The following RBFOX1 variants were observed in gnomAD, a reference collection of about 807,000 sequenced individuals.
RBFOX1 encodes RNA binding fox-1 homolog 1.
A neutral mutation model predicts 57.7 loss-of-function variants in RBFOX1; 8 were observed. The observed-to-expected ratio is 0.14, with a 90% CI of 0.08 to 0.25. The LOEUF (loss-of-function observed/expected upper bound fraction) is 0.25, where lower values mean the gene tolerates loss of function less well. Ranked by LOEUF, RBFOX1 falls within the 10% of genes least tolerant of loss-of-function variation. The probability of loss-of-function intolerance (pLI) is 1.00; values close to 1 mark genes in which losing one functional copy is unlikely to be tolerated. For missense variants in RBFOX1, 611 were observed against 548.5 expected (o/e 1.11, Z -1.14); for synonymous variants, 326 against 222.4 (o/e 1.47, Z -4.15).
chr16:5,811,601 C>T (rs1308116259), intron 3 of RBFOX1, among the ~76,000 whole-genome samples: 1 of 152,044 alleles, frequency 6.6e-6, no homozygotes, highest in Non-Finnish European at 1.5e-5. Context: ...CAGGCATGCA[C>T]CACCACATTG....
chr16:7,575,399 C>G (rs2093234340), intron 5 of RBFOX1, among the ~76,000 whole-genome samples: 1 of 152,234 alleles, frequency 6.6e-6, no homozygotes, highest in East Asian at 1.9e-4. Flanking sequence ...TCCCAAAGTG[C>G]TGGGATTATA....
chr16:6,462,943 A>G (rs1037535782), intron 2 of RBFOX1, among the ~76,000 whole-genome samples: 1 of 152,156 alleles, frequency 6.6e-6, no homozygotes, highest in Non-Finnish European at 1.5e-5. Flanking sequence ...TAATCTATTA[A>G]TTCTTCGTAT....
chr16:7,212,704 A>G (rs1031374520), intron 4 of RBFOX1, among the ~76,000 whole-genome samples: 2 of 152,228 alleles, frequency 1.3e-5, no homozygotes, highest in African/African-American at 4.8e-5. Context: ...CTACATGAGG[A>G]CAAATACCTA....
intron 4 of RBFOX1, among the ~76,000 whole-genome samples, chr16:7,487,290 A>G (rs1162938093): frequency 6.6e-6 from 1 of 152,050 alleles, no homozygotes; most frequent in Non-Finnish European, 1.5e-5. Flanking sequence ...CAACTACTTT[A>G]TCTCAAATAG....
chr16:6,019,240 C>T lies in RBFOX1; in HGVS notation c.-879C>T, dbSNP rs745479180. ...CTTGCTGGCCGTCTGGGTGCACACA[C>T]CGCTCCCTCGATCACCCCAGCCCCC... is the stretch of plus-strand genomic sequence containing the variant. On this transcript the variant is annotated 5_prime_UTR_variant, in exon 1 of 16. Coordinates refer to ENST00000550418, the MANE Select transcript of RBFOX1 (RefSeq NM_018723.4). The surrounding 1 kb of genome is among the most constrained non-coding windows in gnomAD (Gnocchi z 4.2). 1.0e-6 allele frequency: 1 copy of T among 985,200 alleles called. No individual in the cohort carries two copies. Among genetic ancestry groups the T allele is most frequent in the Non-Finnish European group, 1.2e-6 (1 of 829,996 alleles). 61.0% of individuals were successfully genotyped at this position (985,200 alleles called of 1,614,324 possible).
At chr16:5,700,746 T>C (rs1205221603) in intron 3 of RBFOX1, among the ~76,000 whole-genome samples, 1 of 152,230 alleles carries the variant, frequency 6.6e-6, no homozygotes, top group African/African-American at 2.4e-5. Context: ...GTTTATTACT[T>C]ACCCTTCTTT....
chr16:5,744,364 G>T (rs1180537552), intron 3 of RBFOX1, among the ~76,000 whole-genome samples: 1 of 152,118 alleles, frequency 6.6e-6, no homozygotes, highest in African/African-American at 2.4e-5. Flanking sequence ...TTCCATAGCT[G>T]CTCATGGAAT....
chr16:6,972,692 G>C (rs1328219688), intron 3 of RBFOX1, among the ~76,000 whole-genome samples: 2 of 152,140 alleles, frequency 1.3e-5, no homozygotes, highest in Non-Finnish European at 1.5e-5. Context: ...GGCTGGCCTT[G>C]ATAGAGATGG....
chr16:6,722,358 A>G (rs2066179800), intron 3 of RBFOX1, among the ~76,000 whole-genome samples: 1 of 152,158 alleles, frequency 6.6e-6, no homozygotes, highest in Non-Finnish European at 1.5e-5. Context: ...TAGCCTTTCT[A>G]ACAGGTGTGA....
intron 2 of RBFOX1, among the ~76,000 whole-genome samples, chr16:5,468,796 T>C (rs1335077729): frequency 1.3e-5 from 2 of 152,240 alleles, no homozygotes; most frequent in African/African-American, 4.8e-5. Flanking sequence ...CTGGATCCTC[T>C]CTGTGCTGAC....
At chr16:6,662,786 A>T (rs1234552455) in intron 3 of RBFOX1, among the ~76,000 whole-genome samples, 3 of 148,650 alleles carry the variant, frequency 2.0e-5, no homozygotes, top group African/African-American at 7.5e-5. Context: ...CTTTTGCATT[A>T]GAGTTACTTT....
At chr16:6,542,700 G>A (rs2096839998) in intron 2 of RBFOX1, among the ~76,000 whole-genome samples, 1 of 151,680 alleles carries the variant, frequency 6.6e-6, no homozygotes, top group African/African-American at 2.4e-5. Context: ...CACTGTGTTA[G>A]CCAGGATGGT....
intron 3 of RBFOX1, among the ~76,000 whole-genome samples, chr16:6,953,311 T>A (rs1268087950): frequency 6.6e-6 from 1 of 152,258 alleles, no homozygotes; most frequent in African/African-American, 2.4e-5. Context: ...AACAGAAGAT[T>A]TATGGAGTCT....
intron 4 of RBFOX1, among the ~76,000 whole-genome samples, chr16:5,893,692 G>A (rs1004579647): frequency 3.9e-5 from 6 of 151,900 alleles, no homozygotes; most frequent in African/African-American, 1.2e-4. Context: ...TGTAATCCCG[G>A]TTGCTATGGA....
At chr16:7,299,423 A>G (rs2095976896) in intron 4 of RBFOX1, among the ~76,000 whole-genome samples, 1 of 152,134 alleles carries the variant, frequency 6.6e-6, no homozygotes, top group African/African-American at 2.4e-5. Context: ...CTGACAACCC[A>G]CACCCAAACT....
At chr16:7,127,500 C>G (rs1165671129) in intron 4 of RBFOX1, among the ~76,000 whole-genome samples, 4 of 152,074 alleles carry the variant, frequency 2.6e-5, no homozygotes, top group African/African-American at 9.7e-5. Flanking sequence ...TTTTTGATGA[C>G]AGGGATTTAC....
intron 3 of RBFOX1, among the ~76,000 whole-genome samples, chr16:5,824,620 A>T (rs1373072213): frequency 6.6e-6 from 1 of 152,218 alleles, no homozygotes; most frequent in Non-Finnish European, 1.5e-5. Flanking sequence ...AATAATTGAA[A>T]ATGAAAATCC....
chr16:6,629,598 T>C (rs1025111375), intron 2 of RBFOX1, among the ~76,000 whole-genome samples: 49 of 152,312 alleles, frequency 3.2e-4, no homozygotes, highest in African/African-American at 1.2e-3. Context: ...GGTGGGTGTC[T>C]GGCTGCAAGA....
At chr16:5,655,469 G>T (rs1041490836) in intron 3 of RBFOX1, among the ~76,000 whole-genome samples, 5 of 152,198 alleles carry the variant, frequency 3.3e-5, no homozygotes, top group African/African-American at 1.2e-4. Context: ...TGTAGCAACA[G>T]CTGGCTGGAA....
Sources: gnomAD v4.1 joint callset for allele counts (sites outside exome capture counted in the v4.1 genomes callset) on GRCh38, gnomAD v4.1.1 for gene constraint, Gnocchi (gnomAD v3.1) non-coding constraint, MANE v1.5 for transcripts, NCBI Gene and HGNC (gene_info 2026-07-23, HGNC 2026-07-21) for gene names.